ARHGEF17: variants seen among roughly 807,000 people sequenced by gnomAD.
The protein encoded by ARHGEF17 is 164 kDa Rho-specific guanine-nucleotide exchange factor.
In ARHGEF17, 80 loss-of-function variants were observed where a neutral mutation model predicts 174.0. That is an observed-to-expected ratio of 0.46 (90% CI 0.38 to 0.55). The LOEUF (loss-of-function observed/expected upper bound fraction) is 0.55. ARHGEF17 is among the 20% of genes least tolerant of loss of function. The pLI is 0.00. For synonymous variants in ARHGEF17, 1,311 were observed against 1,189.1 expected (o/e 1.10, Z -2.11); for missense variants, 2,886 against 2,839.7 (o/e 1.02, Z -0.37).
chr11:73,309,063 G>T lies in ARHGEF17; in HGVS notation c.425G>T (p.Ser142Ile), dbSNP rs1864750367. 2 of 1,508,360 alleles carry T rather than the reference G, an allele frequency of 1.3e-6. No homozygotes were observed. The highest frequency in any genetic ancestry group is 1.5e-5 in the African/African-American group (1 of 68,782). 93.4% of individuals were successfully genotyped at this position (1,508,360 alleles called of 1,614,324 possible). Reference protein sequence around the residue: ...LFGGPGSRRPSADSESPGTPS... With the variant: ...LFGGPGSRRPIADSESPGTPS... The stretch of plus-strand genomic sequence containing the variant: ...GGCGGTCCTGGCTCCAGGAGGCCCA[G>T]CGCCGACTCTGAATCCCCAGGAACG... Residue 142 changes from serine (S) to isoleucine (I), a missense_variant, in exon 1 of 21, where the codon AGC becomes ATC. Physicochemically the swap from Ser to Ile is moderately radical, Grantham distance 142. Transcript: ENST00000263674.
chr11:73,348,526 C>T (rs987652628), intron 2 of ARHGEF17, among the ~76,000 whole-genome samples: 2 of 152,204 alleles, frequency 1.3e-5, no homozygotes, highest in African/African-American at 2.4e-5. Flanking sequence ...AAAGGACAAG[C>T]ACTGTCTGAT....
intron 1 of ARHGEF17, among the ~76,000 whole-genome samples, chr11:73,322,891 A>C (rs12284174): frequency 0.065 from 9,873 of 152,166 alleles, 1,136 homozygotes; most frequent in African/African-American, 0.23. Context: ...CTTAGGTAGC[A>C]GAGGATGTGG....
Position 73,367,954 on chromosome 11 carries a change from C to T in ARHGEF17, c.*174C>T, listed in dbSNP as rs1217658420. On this transcript the variant is annotated 3_prime_UTR_variant, in exon 21 of 21. Transcript: ENST00000263674. ...TCCTGATGGAACACCCACTGGCCAGCCAGGCCATGGCTTCTCCCGACCCTC... is the reference window on the plus strand; with the variant it reads ...TCCTGATGGAACACCCACTGGCCAGTCAGGCCATGGCTTCTCCCGACCCTC... 1 of 678,816 alleles carries T rather than the reference C, an allele frequency of 1.5e-6. No homozygotes were observed. The highest frequency in any genetic ancestry group is 1.8e-5 in the African/African-American group (1 of 55,556). 42.0% of individuals were successfully genotyped at this position (678,816 alleles called of 1,614,324 possible). A position where few individuals can be genotyped will look rare whatever the true frequency, so the allele number is the denominator to read the frequency against.
Position 73,363,760 on chromosome 11 carries a change from C to T in ARHGEF17, c.5260C>T (p.Gln1754Ter). 1 of 1,614,048 alleles carries T rather than the reference C, an allele frequency of 6.2e-7. No homozygotes were observed. Among genetic ancestry groups the T allele is most frequent in the Non-Finnish European group, 8.5e-7 (1 of 1,180,010 alleles). ...CCCGATCCACAGTGTCCACGTGTAC[C>T]AGTCCTCCGACAGCATCCGTGACCG... ...GTEDGCVHVY[Q>*]SSDSIRDRRN... Residue 1754 changes from glutamine (Q) to a stop codon, truncating the protein, a stop_gained, in exon 16 of 21, where the codon CAG becomes TAG. Transcript: ENST00000263674. LOFTEE classifies it high-confidence loss of function.
At position 73,352,843 on chromosome 11, in the gene ARHGEF17, C is replaced by T. The variant is rs752149901; in HGVS notation, c.3284C>T (p.Pro1095Leu). 13 of 1,613,944 alleles carry T rather than the reference C, an allele frequency of 8.1e-6. No individual in the cohort carries two copies. Among genetic ancestry groups the T allele is most frequent in the East Asian group, 6.7e-5 (3 of 44,878 alleles). The change falls in exon 3 of 21, where the codon CCG (proline) becomes CTG (leucine). Residue 1095 changes from proline to leucine, a missense_variant. Physicochemically the swap from Pro to Leu is moderately conservative, Grantham distance 98. Coordinates refer to ENST00000263674, the MANE Select transcript of ARHGEF17 (RefSeq NM_014786.4). ...TGGGTCCTTCAGGGCTACATGCAGC[C>T]GCTGAAGCAGCCAGAGAACTCCGTG... ...LRTLMQGYMQ[P>L]LKQPENSVLC...
chr11:73,314,119 T>C (rs1028361830), intron 1 of ARHGEF17, among the ~76,000 whole-genome samples: 2 of 152,186 alleles, frequency 1.3e-5, no homozygotes, highest in Non-Finnish European at 2.9e-5. Context: ...TCCCCTTCCT[T>C]CTGGCTCCCA....
At chr11:73,343,661 C>G (rs552772102) in intron 1 of ARHGEF17, among the ~76,000 whole-genome samples, 1 of 152,304 alleles carries the variant, frequency 6.6e-6, no homozygotes, top group African/African-American at 2.4e-5. Flanking sequence ...CATCCTCTCC[C>G]TGCCGCTGGG....
intron 1 of ARHGEF17, among the ~76,000 whole-genome samples, chr11:73,337,100 T>G (rs991496724): frequency 6.6e-6 from 1 of 152,360 alleles, no homozygotes; most frequent in African/African-American, 2.4e-5. Flanking sequence ...GGACCTCGTC[T>G]TTCTGTGGGA....
At chr11:73,359,576 C>G (rs1865701968) in intron 9 of ARHGEF17, among the ~76,000 whole-genome samples, 2 of 152,260 alleles carry the variant, frequency 1.3e-5, no homozygotes, top group African/African-American at 2.4e-5. Context: ...ACTCCATGCT[C>G]TCCTGGGAAT....
At chr11:73,347,651 C>T (rs1340873485) in intron 2 of ARHGEF17, among the ~76,000 whole-genome samples, 5 of 152,218 alleles carry the variant, frequency 3.3e-5, no homozygotes, top group African/African-American at 1.2e-4. Context: ...CGGCAGAGGC[C>T]ACGCTGTGGG....
intron 6 of ARHGEF17, 120 bp downstream of exon 6, chr11:73,356,471 T>C (rs2134417860): frequency 7.7e-7 from 1 of 1,298,096 alleles, no homozygotes; most frequent in Non-Finnish European, 1.1e-6. Flanking sequence ...GGAACCACAG[T>C]GTGTTTGCAT....
rs1205427705 is a variant in ARHGEF17, at chr11:73,368,932, A to G, written c.*1152A>G. ...TAAAACTCCAAAGGTTTGGTTTCAG[A>G]TGGGGTTTGTTTTGTTCTGTTTGGT... On this transcript the variant is annotated 3_prime_UTR_variant, in exon 21 of 21. Transcript: ENST00000263674. The G allele has an allele frequency of 6.6e-6, 1 of 151,568 alleles. No individual in the cohort carries two copies. The highest frequency in any genetic ancestry group is 1.5e-5 in the Non-Finnish European group (1 of 67,930). 9.4% of individuals were successfully genotyped at this position (151,568 alleles called of 1,614,324 possible). A position where few individuals can be genotyped will look rare whatever the true frequency, so the allele number is the denominator to read the frequency against.
chr11:73,366,213 T>C (rs1865836373), intron 20 of ARHGEF17, among the ~76,000 whole-genome samples: 1 of 152,144 alleles, frequency 6.6e-6, no homozygotes, highest in Admixed American at 6.6e-5. Flanking sequence ...GAGGGAACTA[T>C]AACCTAAGAG....
At position 73,310,692 on chromosome 11, in the gene ARHGEF17, C is replaced by A; in HGVS notation, c.2054C>A (p.Thr685Asn). ...SAQTNHHGPG[T>N]EDSLGGWALV... ...CAGACGAACCACCATGGCCCTGGGA[C>A]TGAGGACAGTCTGGGCGGGTGGGCC... Residue 685 changes from threonine to asparagine, a missense_variant, in exon 1 of 21, where the codon ACT (threonine) becomes AAT (asparagine). By Grantham distance (65) the Thr-to-Asn change is moderately conservative (BLOSUM62 0). Coordinates refer to ENST00000263674, the MANE Select transcript of ARHGEF17 (RefSeq NM_014786.4). 2 of 1,613,792 alleles carry A rather than the reference C, an allele frequency of 1.2e-6. No homozygotes were observed. Among genetic ancestry groups the A allele is most frequent in the Non-Finnish European group, 1.7e-6 (2 of 1,179,998 alleles).
intron 3 of ARHGEF17, among the ~76,000 whole-genome samples, chr11:73,354,657 T>C (rs1399301193): frequency 1.4e-5 from 2 of 146,582 alleles, no homozygotes; most frequent in Non-Finnish European, 3.0e-5. Flanking sequence ...GAGGTTGCAG[T>C]GAGCCGAGAT....
At chr11:73,337,327 A>G (rs1865301609) in intron 1 of ARHGEF17, among the ~76,000 whole-genome samples, 1 of 150,190 alleles carries the variant, frequency 6.7e-6, no homozygotes, top group Non-Finnish European at 1.5e-5. Context: ...GGATCGCTTG[A>G]GCCCAGGAGT....
chr11:73,308,741 AC>A lies in ARHGEF17; in HGVS notation c.108del (p.Gly37AlafsTer2). The A allele has an allele frequency of 1.3e-6, 2 of 1,489,966 alleles. No homozygotes were observed. Among genetic ancestry groups the A allele is most frequent in the Admixed American group, 2.4e-5 (1 of 41,952 alleles). 92.3% of individuals were successfully genotyped at this position (1,489,966 alleles called of 1,614,324 possible). ...GPGLREEDTDTPGLRRRASCR... is the reference protein window; with the variant it reads ...GPGLREEDTDXPGLRRRASCR... ...CGGGCTGAGGGAGGAGGACACGGAC[AC>A]CCCCGGCTTGAGGCGACGCGCCTCG... On this transcript the variant is annotated frameshift_variant, in exon 1 of 21. Transcript: ENST00000263674. LOFTEE classifies it high-confidence loss of function.
At chr11:73,342,733 G>A (rs1015476502) in intron 1 of ARHGEF17, among the ~76,000 whole-genome samples, 1 of 152,008 alleles carries the variant, frequency 6.6e-6, no homozygotes, top group African/African-American at 2.4e-5. Context: ...ACATGTCGGC[G>A]CCTTTGTCCA....
chr11:73,309,643 C>T lies in ARHGEF17; in HGVS notation c.1005C>T (p.Ala335=), dbSNP rs753640869. The stretch of plus-strand genomic sequence containing the variant: ...CTGAGCCCCCAACATCTCCAAGAGC[C>T]CCTAGAGAAGAAGGACTCCGGGAGT... ...GSPEPPTSPR[A]PREEGLREWG... Residue 335 remains alanine, a synonymous_variant, in exon 1 of 21, where the codon GCC becomes GCT. Coordinates refer to ENST00000263674, the MANE Select transcript of ARHGEF17 (RefSeq NM_014786.4). 10 of 1,612,966 alleles carry T rather than the reference C, an allele frequency of 6.2e-6. No individual in the cohort carries two copies. The highest frequency in any genetic ancestry group is 8.5e-6 in the Non-Finnish European group (10 of 1,180,034).
Sources: allele counts gnomAD v4.1 joint callset (sites outside exome capture counted in the v4.1 genomes callset), GRCh38; gene constraint gnomAD v4.1.1; transcripts MANE v1.5; gene names NCBI Gene and HGNC (gene_info 2026-07-23, HGNC 2026-07-21).